The following SPHK2 variants were observed in gnomAD, a reference collection of about 807,000 sequenced individuals.
The protein encoded by SPHK2 is sphingosine kinase 2.
SPHK2 carries 18 observed loss-of-function variants against 32.3 expected under a neutral mutation model. The ratio of observed to expected loss-of-function variants is 0.56; its 90% CI spans 0.39 to 0.83. The LOEUF is 0.83. Among genes scored for constraint, SPHK2 ranks in the 40% least tolerant of loss-of-function variants. SPHK2 has a pLI of 0.00. For missense variants in SPHK2, 850 were observed against 908.7 expected, an observed-to-expected ratio of 0.94 and a Z score of 0.83; for synonymous variants, 462 against 417.6, an observed-to-expected ratio of 1.11 and a Z score of -1.30.
At chr19:48,627,582 GT>G in intron 3 of SPHK2, 109 bp from the exon 4 acceptor site, 1 of 1,335,848 alleles carries the variant, frequency 7.5e-7, no homozygotes, top group Non-Finnish European at 1.0e-6. Context: ...GAGCCAGCAG[GT>G]CCCAGGGGCC....
chr19:48,628,576 C>A lies in SPHK2; in HGVS notation c.873-105C>A. 7.0e-7 allele frequency: 1 copy of A among 1,420,384 alleles called. No individual in the cohort carries two copies. Among genetic ancestry groups the A allele is most frequent in the Non-Finnish European group, 9.8e-7 (1 of 1,023,908 alleles). 88.0% of individuals were successfully genotyped at this position (1,420,384 alleles called of 1,614,324 possible). A position where few individuals can be genotyped will look rare whatever the true frequency, so the allele number is the denominator to read the frequency against. On this transcript the variant is annotated intron_variant, in intron 6 of 6. Coordinates refer to ENST00000245222, the MANE Select transcript of SPHK2 (RefSeq NM_020126.5). This position sits in a 1 kb window ranked among gnomAD's most constrained non-coding sequence, Gnocchi z 5.2. ...GCCCCACGGCTGTGGTGGGCCTGGG[C>A]CATGGCCTTCGTGGTCTCATTGCCA...
At chr19:48,622,757 CTTTTTTT>C (rs779108312) in intron 2 of SPHK2, among the ~76,000 whole-genome samples, 9 of 108,544 alleles carry the variant, frequency 8.3e-5, no homozygotes, top group Admixed American at 3.2e-4. Flanking sequence ...ATTTGTCTCT[CTTTTTTT>C]TTTTTTTTTT....
At position 48,628,206 on chromosome 19, in the gene SPHK2, G is replaced by C. The variant is rs2030129795; in HGVS notation, c.801G>C (p.Val267=). 2 of 1,613,756 alleles carry C rather than the reference G, an allele frequency of 1.2e-6. No homozygotes were observed. Among genetic ancestry groups the C allele is most frequent in the African/African-American group, 2.7e-5 (2 of 74,922 alleles). Residue 267 remains valine (V), a synonymous_variant, in exon 6 of 7, where the codon GTG becomes GTC. Coordinates refer to ENST00000245222, the MANE Select transcript of SPHK2 (RefSeq NM_020126.5). This position sits in a 1 kb window ranked among gnomAD's most constrained non-coding sequence, Gnocchi z 5.2. ...ATCGCCCTGACTGGGAGGAAGCTGT[G>C]AAGATGCCTGTGGGCATCCTCCCCT... is the stretch of plus-strand genomic sequence containing the variant. The part of the protein sequence containing the change: ...LLDRPDWEEA[V]KMPVGILPCG...
rs201559091 is a variant in SPHK2 at position 48,622,258 on chromosome 19, C to CA, written c.39+1719dup. Among the ~76,000 whole-genome samples, 508 of 109,626 alleles carry CA rather than the reference C, an allele frequency of 4.6e-3. 4 individuals are homozygous for CA. Among genetic ancestry groups the CA allele is most frequent in the Admixed American group, 6.3e-3 (64 of 10,118 alleles). The allele number at this position is 109,626 out of a possible 152,430, so 71.9% of individuals were successfully genotyped here. ...TGGGCGACAGAGCGAAACTCCGTCT[C>CA]AAAAAAAAAAAAAATAAAAAAAAAT... On this transcript the variant is annotated intron_variant, in intron 2 of 6. Coordinates refer to ENST00000245222, the MANE Select transcript of SPHK2 (RefSeq NM_020126.5).
rs771682478 is a variant in SPHK2, at chr19:48,628,041, C to T, written c.728C>T (p.Thr243Met). 11 of 1,594,662 alleles carry T rather than the reference C, an allele frequency of 6.9e-6. No homozygotes were observed. The highest frequency in any genetic ancestry group is 6.7e-5 in the African/African-American group (5 of 74,444). ...CTGAGTGAGTGGGATGGCATCGTCA[C>T]GGTCTCGGGAGACGGGCTGCTCCAT... ...LSLSEWDGIV[T>M]VSGDGLLHEV... The change falls in exon 5 of 7, where the codon ACG becomes ATG. Residue 243 changes from threonine (T) to methionine (M), a missense_variant. By Grantham distance (81) the Thr-to-Met change is moderately conservative. This residue lies in a region of SPHK2 where 544 missense variants were observed against 640.0 expected (regional missense o/e 0.85). Coordinates refer to ENST00000245222, the MANE Select transcript of SPHK2 (RefSeq NM_020126.5). The surrounding 1 kb of genome is among the most constrained non-coding windows in gnomAD (Gnocchi z 5.2).
chr19:48,626,457 C>A lies in SPHK2; in HGVS notation c.511+95C>A. 2.2e-6 allele frequency: 3 copies of A among 1,394,814 alleles called. No individual in the cohort carries two copies. The South Asian group carries it at 4.5e-5, about 21-fold the overall frequency. The allele number at this position is 1,394,814 out of a possible 1,614,324, so 86.4% of individuals were successfully genotyped here. On this transcript the variant is annotated intron_variant, in intron 3 of 6. Coordinates refer to ENST00000245222, the MANE Select transcript of SPHK2 (RefSeq NM_020126.5). ...GCTGTGTCTTTATTTTTCTGTGTGT[C>A]TGGGTGATGTATCTCTCTGGATCCG...
chr19:48,626,765 G>C (rs1459785112), intron 3 of SPHK2: 1 of 146,878 alleles, frequency 6.8e-6, no homozygotes, highest in Non-Finnish European at 1.5e-5. Flanking sequence ...AGTGAGCTGA[G>C]ATCGTGCCAT....
chr19:48,628,009 G>A lies in SPHK2; in HGVS notation c.696G>A (p.Gly232=). The change falls in exon 5 of 7, where the codon GGG becomes GGA. Residue 232 remains glycine, a synonymous_variant. Transcript: ENST00000245222. This position sits in a 1 kb window ranked among gnomAD's most constrained non-coding sequence, Gnocchi z 5.2. The stretch of plus-strand genomic sequence containing the variant: ...ACCACGCCCGGGAGCTGGTCCAGGG[G>A]CTGAGCCTGAGTGAGTGGGATGGCA... ...RQNHARELVQ[G]LSLSEWDGIV... The A allele has an allele frequency of 1.9e-6, 3 of 1,596,326 alleles. No homozygotes were observed. The highest frequency in any genetic ancestry group is 2.2e-5 in the East Asian group (1 of 44,542).
Position 48,629,056 on chromosome 19 carries a change from G to A in SPHK2, c.1248G>A (p.Leu416=). ...CCCCGCCCATGGCCCACTCACCCCTGCATCGTTCTGTGTCTGACCTGCCTC... is the reference window on the plus strand; with the variant it reads ...CCCCGCCCATGGCCCACTCACCCCTACATCGTTCTGTGTCTGACCTGCCTC... ...DPAPPMAHSP[L]HRSVSDLPLP... Residue 416 remains leucine (L), a synonymous_variant, in exon 7 of 7, where the codon CTG becomes CTA. Transcript: ENST00000245222. The A allele has an allele frequency of 6.2e-7, 1 of 1,613,010 alleles. No homozygotes were observed. The highest frequency in any genetic ancestry group is 8.5e-7 in the Non-Finnish European group (1 of 1,179,698).
intron 4 of SPHK2, 65 bp downstream of exon 4, chr19:48,627,906 G>A: frequency 6.4e-7 from 1 of 1,573,868 alleles, no homozygotes; most frequent in Middle Eastern, 1.7e-4. Flanking sequence ...GCAAAGTGGT[G>A]GGTGGGACTC....
chr19:48,625,605 T>G (rs1974578077), intron 2 of SPHK2: 1 of 1,470,520 alleles, frequency 6.8e-7, no homozygotes. Flanking sequence ...TCCTGCTGTG[T>G]TTGCTAGGCC....
Position 48,628,744 on chromosome 19 carries a change from T to C in SPHK2, c.936T>C (p.Gly312=), listed in dbSNP as rs1415396871. The part of the protein sequence containing the change: ...LNCSLLLCRG[G]GHPLDLLSVT... ...GCTCACTGTTGCTGTGCCGGGGTGG[T>C]GGCCACCCACTGGACCTGCTCTCCG... is the stretch of plus-strand genomic sequence containing the variant. The change falls in exon 7 of 7, where the codon GGT becomes GGC. Residue 312 remains glycine (G), a synonymous_variant. Coordinates refer to ENST00000245222, the MANE Select transcript of SPHK2 (RefSeq NM_020126.5). The surrounding 1 kb of genome is among the most constrained non-coding windows in gnomAD (Gnocchi z 5.2). The C allele has an allele frequency of 6.2e-7, 1 of 1,613,048 alleles. No individual in the cohort carries two copies. The highest frequency in any genetic ancestry group is 1.3e-5 in the African/African-American group (1 of 74,930).
intron 2 of SPHK2, chr19:48,623,991 CTG>C (rs1974506810): frequency 6.6e-6 from 1 of 152,336 alleles, no homozygotes; most frequent in Non-Finnish European, 1.5e-5. Flanking sequence ...CTGCCTTGCT[CTG>C]TGTCTGGATC....
chr19:48,629,324 G>A lies in SPHK2; in HGVS notation c.1516G>A (p.Ala506Thr), dbSNP rs145253804. 5.0e-6 allele frequency: 8 copies of A among 1,613,200 alleles called. No homozygotes were observed. Among genetic ancestry groups the A allele is most frequent in the African/African-American group, 1.3e-5 (1 of 75,048 alleles). ...TGGGCTCCCACTTCCCACCCCTGAT[G>A]CCCGGGTAGGGGCCTCCACCTGCGG... ...SSGLPLPTPD[A>T]RVGASTCGPP... The change falls in exon 7 of 7, where the codon GCC (alanine) becomes ACC (threonine). Residue 506 changes from alanine to threonine, a missense_variant. Around this residue, in one of 2 missense-constraint regions of SPHK2, gnomAD observed 306 missense variants for 268.6 expected, o/e 1.14. Coordinates refer to ENST00000245222, the MANE Select transcript of SPHK2 (RefSeq NM_020126.5).
chr19:48,625,544 T>C, intron 2 of SPHK2: 1 of 1,285,970 alleles, frequency 7.8e-7, no homozygotes, highest in Non-Finnish European at 1.0e-6. Flanking sequence ...TTTCAATCCT[T>C]TCTCTTGTTT....
chr19:48,622,123 G>T (rs2147670684), intron 2 of SPHK2, among the ~76,000 whole-genome samples: 1 of 152,176 alleles, frequency 6.6e-6, no homozygotes, highest in Admixed American at 6.5e-5. Flanking sequence ...CGGGCATGGT[G>T]GCGCGCGCCT....
chr19:48,629,217 T>G lies in SPHK2; in HGVS notation c.1409T>G (p.Leu470Arg). The change falls in exon 7 of 7, where the codon CTG (leucine) becomes CGG (arginine). Residue 470 changes from leucine (L) to arginine (R), a missense_variant. By Grantham distance (102) the Leu-to-Arg change is moderately radical. Around this residue, in one of 2 missense-constraint regions of SPHK2, gnomAD observed 306 missense variants for 268.6 expected, o/e 1.14. Transcript: ENST00000245222. ...GATGCTCCGCTGTCCCCGGACCCAC[T>G]GCTGTCTTCACCTCCTGGCTCTCCC... Reference protein sequence around the residue: ...AGDAPLSPDPLLSSPPGSPKA... With the variant: ...AGDAPLSPDPRLSSPPGSPKA... The G allele has an allele frequency of 6.2e-7, 1 of 1,613,620 alleles. No individual in the cohort carries two copies. Among genetic ancestry groups the G allele is most frequent in the Non-Finnish European group, 8.5e-7 (1 of 1,179,966 alleles).
In SPHK2 at chr19:48,628,424, C is replaced by T. The variant is rs763640979; in HGVS notation, c.872+147C>T. 5 of 946,590 alleles carry T rather than the reference C, an allele frequency of 5.3e-6. 1 individual carries two copies. Among genetic ancestry groups the T allele is most frequent in the South Asian group, 5.2e-5 (4 of 77,350 alleles). The allele number at this position is 946,590 out of a possible 1,614,324, so 58.6% of individuals were successfully genotyped here. ...ACCCCCAGCTCCTGGACATTTTTGC[C>T]TGCCTGCTTCCCAGCTGTATCCCGA... On this transcript the variant is annotated intron_variant, in intron 6 of 6. Coordinates refer to ENST00000245222, the MANE Select transcript of SPHK2 (RefSeq NM_020126.5). The surrounding 1 kb of genome is among the most constrained non-coding windows in gnomAD (Gnocchi z 5.2).
In SPHK2 at chr19:48,629,993, A is replaced by G; in HGVS notation, c.*220A>G. 3 of 1,390,674 alleles carry G rather than the reference A, an allele frequency of 2.2e-6. No homozygotes were observed. The highest frequency in any genetic ancestry group is 1.8e-5 in the South Asian group (1 of 55,570). 86.1% of individuals were successfully genotyped at this position (1,390,674 alleles called of 1,614,324 possible). ...TCGTCCCGAGGGTAGTGCCTGATCA[A>G]TGAGGGCGGGGCCTGGCGTCTGATC... On this transcript the variant is annotated 3_prime_UTR_variant, in exon 7 of 7. Transcript: ENST00000245222.
Sources: gnomAD v4.1 joint callset for allele counts (sites outside exome capture counted in the v4.1 genomes callset) on GRCh38, gnomAD v4.1.1 for gene constraint, gnomAD v4.1.1 regional missense constraint, Gnocchi (gnomAD v3.1) non-coding constraint, MANE v1.5 for transcripts, NCBI Gene and HGNC (gene_info 2026-07-23, HGNC 2026-07-21) for gene names.